SNX16: variants seen among roughly 807,000 people sequenced by gnomAD.
SNX16 encodes the protein sorting nexin-16.
A neutral mutation model predicts 36.7 loss-of-function variants in SNX16; 35 were observed. The ratio of observed to expected loss-of-function variants is 0.95; its 90% CI spans 0.73 to 1.27. SNX16 has a LOEUF of 1.27. Among genes scored for constraint, SNX16 ranks in the 50% most tolerant of loss-of-function variants. SNX16 has a pLI of 0.00. For synonymous variants in SNX16, 134 were observed against 132.0 expected (o/e 1.02, Z -0.10); for missense variants, 367 against 393.6 (o/e 0.93, Z 0.57).
intron 2 of SNX16, among the ~76,000 whole-genome samples, chr8:81,830,580 A>T (rs13278496): frequency 6.8e-4 from 30 of 44,410 alleles, no homozygotes; most frequent in East Asian, 4.1e-3. Flanking sequence ...TCTAGGGGGT[A>T]AAAAAAAAAA....
At chr8:81,802,873 T>A (rs2130573646) in intron 6 of SNX16, among the ~76,000 whole-genome samples, 1 of 151,986 alleles carries the variant, frequency 6.6e-6, no homozygotes, top group Admixed American at 6.5e-5. Flanking sequence ...GTTGAACAGT[T>A]AGTGGCTTAT....
At chr8:81,833,172 C>CT (rs34583266) in intron 2 of SNX16, among the ~76,000 whole-genome samples, 36,382 of 143,672 alleles carry the variant, frequency 0.25, 4,861 homozygotes, top group East Asian at 0.38. Context: ...TCACCTATTT[C>CT]TTTTTTTTTT....
At position 81,803,035 on chromosome 8, in the gene SNX16, G is replaced by A. The variant is rs549377005; in HGVS notation, c.818+57C>T. On this transcript the variant is annotated intron_variant, in intron 6 of 7. Transcript: ENST00000345957. Reference sequence around the variant, plus strand: ...CATATTAAAATATAAAGGGCAGTTAGCCCAGAGTATTAAGGGTTGAATTAG... The same window carrying A: ...CATATTAAAATATAAAGGGCAGTTAACCCAGAGTATTAAGGGTTGAATTAG... The A allele has an allele frequency of 2.8e-6, 4 of 1,415,834 alleles. No individual in the cohort carries two copies. In the African/African-American group the frequency reaches 5.9e-5, roughly 21 times the overall value. 87.7% of individuals were successfully genotyped at this position (1,415,834 alleles called of 1,614,324 possible). A position where few individuals can be genotyped will look rare whatever the true frequency, so the allele number is the denominator to read the frequency against.
intron 5 of SNX16, among the ~76,000 whole-genome samples, chr8:81,814,147 T>C (rs757937118): frequency 3.3e-5 from 5 of 151,960 alleles, no homozygotes; most frequent in Non-Finnish European, 7.4e-5. Context: ...ACTCATAATA[T>C]CACAAAACTG....
chr8:81,837,563 C>A (rs1811547020), intron 2 of SNX16, among the ~76,000 whole-genome samples: 1 of 152,114 alleles, frequency 6.6e-6, no homozygotes, highest in African/African-American at 2.4e-5. Flanking sequence ...ATAGATGGTG[C>A]CTTATAGCTA....
chr8:81,815,067 C>T, intron 5 of SNX16: 1 of 188,734 alleles, frequency 5.3e-6, no homozygotes, highest in Non-Finnish European at 1.1e-5. Flanking sequence ...TTTTTTGAAA[C>T]AGTAAAAATA....
chr8:81,807,446 G>A (rs1245676381), intron 5 of SNX16, among the ~76,000 whole-genome samples: 1 of 144,124 alleles, frequency 6.9e-6, no homozygotes, highest in African/African-American at 2.6e-5. Context: ...TGGAATCCCG[G>A]AGGCAGACGT....
At chr8:81,803,702 A>G (rs2130579808) in intron 5 of SNX16, among the ~76,000 whole-genome samples, 1 of 152,162 alleles carries the variant, frequency 6.6e-6, no homozygotes, top group Admixed American at 6.5e-5. Flanking sequence ...TTGCAGTACC[A>G]GGATGGTACA....
chr8:81,810,097 T>C (rs1563434510), intron 5 of SNX16, among the ~76,000 whole-genome samples: 1 of 152,268 alleles, frequency 6.6e-6, no homozygotes, highest in Non-Finnish European at 1.5e-5. Context: ...TTTAATTGTT[T>C]GTACTTATAA....
intron 5 of SNX16, among the ~76,000 whole-genome samples, chr8:81,811,716 A>T (rs1810260215): frequency 6.6e-6 from 1 of 152,104 alleles, no homozygotes; most frequent in Admixed American, 6.6e-5. Flanking sequence ...AAGAATCAAG[A>T]GTTGCTACAG....
chr8:81,826,797 A>T (rs761750722), intron 3 of SNX16, among the ~76,000 whole-genome samples: 5 of 152,228 alleles, frequency 3.3e-5, no homozygotes, highest in Non-Finnish European at 7.4e-5. Context: ...ATTGCCAATT[A>T]GCTATTTGTA....
chr8:81,823,689 C>T, intron 4 of SNX16, 103 bp downstream of exon 4: 1 of 990,190 alleles, frequency 1.0e-6, no homozygotes, highest in Non-Finnish European at 1.4e-6. Flanking sequence ...ATACTCCAAC[C>T]CTGTATTTTT....
intron 5 of SNX16, chr8:81,808,248 G>A (rs1585979807): frequency 4.2e-6 from 5 of 1,197,306 alleles, no homozygotes; most frequent in Middle Eastern, 5.4e-4. Context: ...ATGACTCCAT[G>A]GATAAGACGG....
At chr8:81,826,568 C>A (rs1325914423) in intron 3 of SNX16, among the ~76,000 whole-genome samples, 1 of 152,068 alleles carries the variant, frequency 6.6e-6, no homozygotes, top group African/African-American at 2.4e-5. Context: ...CCCTAAAACC[C>A]CGCCTGGTTG....
chr8:81,807,459 C>T lies in SNX16; in HGVS notation c.682-4231G>A, dbSNP rs547245843. 3.0e-4 allele frequency among the ~76,000 whole-genome samples: 39 copies of T among 131,686 alleles called. 1 individual carries two copies. In the South Asian group the frequency reaches 9.4e-3, roughly 32 times the overall value. The allele number at this position is 131,686 out of a possible 152,430, so 86.4% of individuals were successfully genotyped here. A position where few individuals can be genotyped will look rare whatever the true frequency, so the allele number is the denominator to read the frequency against. On this transcript the variant is annotated intron_variant, in intron 5 of 7. Coordinates refer to ENST00000345957, the MANE Select transcript of SNX16 (RefSeq NM_152836.3). ...GCTGGAATCCCGGAGGCAGACGTTGCAGTGAGCCAAGATGGCGCCACTGCA... is the reference window on the plus strand; with the variant it reads ...GCTGGAATCCCGGAGGCAGACGTTGTAGTGAGCCAAGATGGCGCCACTGCA...
At chr8:81,834,875 T>C (rs1429909562) in intron 2 of SNX16, among the ~76,000 whole-genome samples, 2 of 152,178 alleles carry the variant, frequency 1.3e-5, no homozygotes, top group East Asian at 3.9e-4. Context: ...TCTACCTTTC[T>C]AGGACCTGGA....
At position 81,829,495 on chromosome 8, in the gene SNX16, T is replaced by C; in HGVS notation, c.397A>G (p.Lys133Glu). ...ACTACCCAGCTTTCTTCTGGGGTTT[T>C]CTTTACTAGTATTTTATATACCTAT... Reference protein sequence around the residue: ...KFTVYKILVKKTPEESWVVFR... With the variant: ...KFTVYKILVKETPEESWVVFR... The change falls in exon 3 of 8, where the codon AAA becomes GAA. Residue 133 changes from lysine to glutamate, a missense_variant. Transcript: ENST00000345957. The C allele has an allele frequency of 7.1e-7, 1 of 1,411,696 alleles. No homozygotes were observed. The highest frequency in any genetic ancestry group is 9.3e-7 in the Non-Finnish European group (1 of 1,074,016). 87.4% of individuals were successfully genotyped at this position (1,411,696 alleles called of 1,614,324 possible). A position where few individuals can be genotyped will look rare whatever the true frequency, so the allele number is the denominator to read the frequency against.
intron 4 of SNX16, among the ~76,000 whole-genome samples, chr8:81,818,313 G>A (rs1810580002): frequency 1.3e-5 from 2 of 151,702 alleles, no homozygotes. Flanking sequence ...TAACTTCTCT[G>A]AATATCTTAA....
intron 2 of SNX16, among the ~76,000 whole-genome samples, chr8:81,830,179 C>T (rs1292154481): frequency 6.6e-6 from 1 of 152,100 alleles, no homozygotes; most frequent in East Asian, 1.9e-4. Context: ...AGAATGCAAT[C>T]CCATTTACAG....
Sources: allele counts gnomAD v4.1 joint callset (sites outside exome capture counted in the v4.1 genomes callset), GRCh38; gene constraint gnomAD v4.1.1; transcripts MANE v1.5; gene names NCBI Gene and HGNC (gene_info 2026-07-23, HGNC 2026-07-21).